TRAPPC9: variants seen among roughly 807,000 people sequenced by gnomAD.
TRAPPC9 encodes the protein trafficking protein particle complex subunit 9.
In TRAPPC9, 83 loss-of-function variants were observed where a neutral mutation model predicts 124.0. That is an observed-to-expected ratio of 0.67 (90% CI 0.56 to 0.80). The LOEUF (loss-of-function observed/expected upper bound fraction) is 0.80. Ranked by LOEUF, TRAPPC9 falls within the 30% of genes least tolerant of loss-of-function variation. TRAPPC9 has a pLI of 0.00. For synonymous variants in TRAPPC9, 638 were observed against 617.5 expected (o/e 1.03, Z -0.49); for missense variants, 1,302 against 1,508.3 (o/e 0.86, Z 2.27).
intron 7 of TRAPPC9, among the ~76,000 whole-genome samples, chr8:140,377,911 G>A (rs1047850180): frequency 2.0e-5 from 3 of 151,752 alleles, no homozygotes; most frequent in East Asian, 1.9e-4. Flanking sequence ...AGTGAGCCAC[G>A]ATCACGCCAC....
chr8:139,744,057 A>G (rs1029677297), intron 21 of TRAPPC9, among the ~76,000 whole-genome samples: 9 of 152,164 alleles, frequency 5.9e-5, no homozygotes, highest in Non-Finnish European at 8.8e-5. Context: ...CCACCGCCAC[A>G]CACGTTCACT....
chr8:140,429,422 A>G (rs563613340), intron 4 of TRAPPC9, among the ~76,000 whole-genome samples: 5 of 150,392 alleles, frequency 3.3e-5, no homozygotes, highest in African/African-American at 1.2e-4. Flanking sequence ...TCTGCCACTT[A>G]CTAGCTCCAT....
At chr8:139,741,765 A>C (rs1380753515) in intron 21 of TRAPPC9, among the ~76,000 whole-genome samples, 1 of 152,106 alleles carries the variant, frequency 6.6e-6, no homozygotes, top group African/African-American at 2.4e-5. Context: ...TATAAACAGA[A>C]GCGGAGGGCA....
intron 20 of TRAPPC9, among the ~76,000 whole-genome samples, chr8:139,901,318 G>A (rs1257061004): frequency 1.3e-5 from 2 of 152,228 alleles, no homozygotes; most frequent in Non-Finnish European, 2.9e-5. Context: ...GTCATAAATA[G>A]AAATTACACT....
Position 140,248,029 on chromosome 8 carries a change from T to C in TRAPPC9, c.2431+4748A>G, listed in dbSNP as rs980358124. Reference sequence around the variant, plus strand: ...TCTATGTTATCTCGCTGCTTATGTTTTCACTAGAATCACTCTGCATAGAGT... The same window carrying C: ...TCTATGTTATCTCGCTGCTTATGTTCTCACTAGAATCACTCTGCATAGAGT... On this transcript the variant is annotated intron_variant, in intron 16 of 22. Coordinates refer to ENST00000438773, the MANE Select transcript of TRAPPC9 (RefSeq NM_001160372.4). 3.7e-4 allele frequency among the ~76,000 whole-genome samples: 56 copies of C among 152,226 alleles called. 1 individual carries two copies. The highest frequency in any genetic ancestry group is 1.3e-3 in the African/African-American group (52 of 41,466).
Position 139,729,280 on chromosome 8 carries a change from C to T in TRAPPC9, c.*1781G>A, listed in dbSNP as rs1193944808. ...TCTACACAAGTGAGGTTGGGCTGAG[C>T]CCATCATCCTGCAATGTGTTGTTTC... On this transcript the variant is annotated 3_prime_UTR_variant, in exon 23 of 23. Transcript: ENST00000438773. Among the ~76,000 whole-genome samples the T allele has an allele frequency of 1.3e-5, 2 of 152,240 alleles. No individual in the cohort carries two copies. Among genetic ancestry groups the T allele is most frequent in the African/African-American group, 4.8e-5 (2 of 41,468 alleles).
chr8:140,451,975 G>T (rs1016614068), intron 1 of TRAPPC9, among the ~76,000 whole-genome samples: 7 of 151,880 alleles, frequency 4.6e-5, no homozygotes, highest in Non-Finnish European at 1.0e-4. Context: ...ACAAAAATTA[G>T]CCGGGTGTGG....
At chr8:140,395,712 T>C (rs535122909) in intron 7 of TRAPPC9, among the ~76,000 whole-genome samples, 25 of 152,330 alleles carry the variant, frequency 1.6e-4, no homozygotes, top group African/African-American at 5.8e-4. Context: ...GTCATACTTC[T>C]TTGTGTGTTC....
intron 19 of TRAPPC9, among the ~76,000 whole-genome samples, chr8:139,959,169 A>G (rs1835214069): frequency 6.6e-6 from 1 of 152,208 alleles, no homozygotes; most frequent in South Asian, 2.1e-4. Flanking sequence ...AGATCATTTA[A>G]CCACAGTTAC....
intron 17 of TRAPPC9, among the ~76,000 whole-genome samples, chr8:140,079,533 T>A (rs946601410): frequency 6.6e-6 from 1 of 152,132 alleles, no homozygotes; most frequent in Non-Finnish European, 1.5e-5. Context: ...TTGTTCATAT[T>A]TATTACAAGT....
At chr8:140,374,898 A>T (rs997120939) in intron 7 of TRAPPC9, among the ~76,000 whole-genome samples, 4 of 152,258 alleles carry the variant, frequency 2.6e-5, no homozygotes, top group Admixed American at 1.3e-4. Context: ...TAATAATATT[A>T]CTTCATTCCT....
At chr8:140,122,140 G>A (rs1422459328) in intron 17 of TRAPPC9, among the ~76,000 whole-genome samples, 2 of 151,900 alleles carry the variant, frequency 1.3e-5, no homozygotes, top group African/African-American at 2.4e-5. Context: ...GGATCTGCAG[G>A]TGGCCTCTAG....
intron 17 of TRAPPC9, among the ~76,000 whole-genome samples, chr8:140,189,137 T>C (rs545922730): frequency 3.9e-5 from 6 of 152,342 alleles, no homozygotes; most frequent in East Asian, 3.9e-4. Context: ...TTCTGCAAAA[T>C]TGAATCATTT....
At chr8:139,841,687 G>T (rs138610861) in intron 21 of TRAPPC9, among the ~76,000 whole-genome samples, 1 of 152,198 alleles carries the variant, frequency 6.6e-6, no homozygotes, top group Non-Finnish European at 1.5e-5. Context: ...GGCAGAATTC[G>T]CAGAACCCAC....
chr8:140,143,666 A>C (rs2061413982), intron 17 of TRAPPC9, among the ~76,000 whole-genome samples: 1 of 152,192 alleles, frequency 6.6e-6, no homozygotes. Context: ...TAAAATTTTA[A>C]ACATGTTTGT....
chr8:139,959,515 T>C (rs1251215844), intron 19 of TRAPPC9, among the ~76,000 whole-genome samples: 3 of 152,178 alleles, frequency 2.0e-5, no homozygotes, highest in African/African-American at 2.4e-5. Flanking sequence ...CCTTGAGCTG[T>C]TGGGCACCAA....
chr8:140,131,588 C>T (rs137866939), intron 17 of TRAPPC9, among the ~76,000 whole-genome samples: 2 of 152,318 alleles, frequency 1.3e-5, no homozygotes, highest in African/African-American at 4.8e-5. Flanking sequence ...AACTGCACAC[C>T]GCTTCTCCTA....
intron 9 of TRAPPC9, among the ~76,000 whole-genome samples, chr8:140,320,008 AAG>A (rs1281037718): frequency 6.6e-6 from 1 of 152,248 alleles, no homozygotes; most frequent in Non-Finnish European, 1.5e-5. Context: ...AGAGAATAGA[AAG>A]AGGGGAAAGA....
intron 21 of TRAPPC9, among the ~76,000 whole-genome samples, chr8:139,837,014 G>T (rs1305060191): frequency 3.1e-5 from 4 of 127,224 alleles, no homozygotes; most frequent in African/African-American, 1.3e-4. Context: ...CTGCTTGCTT[G>T]TGAGACCTGG....
Sources: allele counts gnomAD v4.1 joint callset (sites outside exome capture counted in the v4.1 genomes callset), GRCh38; gene constraint gnomAD v4.1.1; transcripts MANE v1.5; gene names NCBI Gene and HGNC (gene_info 2026-07-23, HGNC 2026-07-21).